ZDHHC16: variants seen among roughly 807,000 people sequenced by gnomAD.
ZDHHC16 encodes zDHHC palmitoyltransferase 16, also known as palmitoyltransferase ZDHHC16.
Under a neutral mutation model 54.4 loss-of-function variants are expected in ZDHHC16, and 33 were observed. The observed-to-expected ratio is 0.61, with a 90% CI of 0.46 to 0.81. The LOEUF (loss-of-function observed/expected upper bound fraction) is 0.81, where lower values mean the gene tolerates loss of function less well. ZDHHC16 is among the 30% of genes least tolerant of loss of function. The probability of loss-of-function intolerance (pLI) is 0.00; values close to 1 mark genes in which losing one functional copy is unlikely to be tolerated. For synonymous variants in ZDHHC16, 185 were observed against 182.1 expected (o/e 1.02, Z -0.13); for missense variants, 420 against 485.9 (o/e 0.86, Z 1.28).
rs1366462911 is a variant in ZDHHC16, at chr10:97,449,529, G to A, written c.-185-828G>A. Among the ~76,000 whole-genome samples the A allele has an allele frequency of 2.0e-5, 3 of 152,096 alleles. No individual in the cohort carries two copies. In the East Asian group the frequency reaches 5.8e-4, roughly 29 times the overall value. On this transcript the variant is annotated intron_variant, in intron 1 of 11. Transcript: ENST00000393760. ...ACAATAGGGGTGGAAGTTTGAGCGT[G>A]AGCTTTTAATTTTTTTTGAGGTGGA...
chr10:97,446,966 T>C (rs1021571904), intron 1 of ZDHHC16, among the ~76,000 whole-genome samples: 10 of 152,132 alleles, frequency 6.6e-5, no homozygotes, highest in East Asian at 3.9e-4. Flanking sequence ...GCCTCGGCCT[T>C]CCAAAGTGCA....
intron 5 of ZDHHC16, 143 bp from the exon 6 acceptor site, chr10:97,452,752 C>G (rs191922067): frequency 2.6e-6 from 3 of 1,151,376 alleles, no homozygotes; most frequent in African/African-American, 3.1e-5. Flanking sequence ...AACTGCAGAG[C>G]TGGGTTTGAA....
At chr10:97,454,006 ACTAAGTGG>A (rs1846918340) in intron 8 of ZDHHC16, among the ~76,000 whole-genome samples, 160 bp downstream of exon 8, 1 of 152,140 alleles carries the variant, frequency 6.6e-6, no homozygotes, top group African/African-American at 2.4e-5. Context: ...TGGTGGGTAG[ACTAAGTGG>A]CCTACAGGCA....
chr10:97,455,734 A>G lies in ZDHHC16; in HGVS notation c.899A>G (p.Glu300Gly). The G allele has an allele frequency of 6.2e-7, 1 of 1,614,226 alleles. No individual in the cohort carries two copies. The highest frequency in any genetic ancestry group is 8.5e-7 in the Non-Finnish European group (1 of 1,180,034). The change falls in exon 10 of 12, where the codon GAA becomes GGA. Residue 300 changes from glutamate (E) to glycine (G), a missense_variant. Coordinates refer to ENST00000393760, the MANE Select transcript of ZDHHC16 (RefSeq NM_198046.3). Reference sequence around the variant, plus strand: ...ATCAGTCGAGGTGAGACTAGCATCGAAAGGCACATCAACAAGAAGGAGAGA... The same window carrying G: ...ATCAGTCGAGGTGAGACTAGCATCGGAAGGCACATCAACAAGAAGGAGAGA... ...VLISRGETSI[E>G]RHINKKERRR...
chr10:97,453,863 C>A lies in ZDHHC16; in HGVS notation c.738+17C>A. 1 of 1,614,070 alleles carries A rather than the reference C, an allele frequency of 6.2e-7. No individual in the cohort carries two copies. The highest frequency in any genetic ancestry group is 8.5e-7 in the Non-Finnish European group (1 of 1,180,018). ...GCCAACCAGGTGGGCTGTCCCCACC[C>A]CACTGCCTCCTGCTGCTCAGGCCTG... On this transcript the variant is annotated intron_variant, in intron 8 of 11. Transcript: ENST00000393760.
At position 97,455,974 on chromosome 10, in the gene ZDHHC16, G is replaced by A. The variant is rs760224122; in HGVS notation, c.949G>A (p.Val317Ile). The change falls in exon 11 of 12, where the codon GTA becomes ATA. Residue 317 changes from valine (V) to isoleucine (I), a missense_variant and splice_region_variant. Physicochemically the swap from Val to Ile is conservative, Grantham distance 29. Transcript: ENST00000393760. ...ERRRLQAKGR[V>I]FRNPYNYGCL... ...AGAAACATGTTTTTCTTGGCTCCAG[G>A]TATTTAGGAATCCTTACAACTACGG... The A allele has an allele frequency of 4.3e-6, 7 of 1,614,028 alleles. No individual in the cohort carries two copies. The highest frequency in any genetic ancestry group is 5.9e-6 in the Non-Finnish European group (7 of 1,179,956).
intron 6 of ZDHHC16, 73 bp from the exon 7 acceptor site, chr10:97,453,457 G>A: frequency 6.4e-7 from 1 of 1,569,022 alleles, no homozygotes; most frequent in Non-Finnish European, 8.6e-7. Context: ...TCAGGAACCA[G>A]GGATGAACCT....
In ZDHHC16 at chr10:97,457,063, GAC is replaced by G. The variant is rs2133246607; in HGVS notation, c.*176_*177del. ...AGCCTTTTTACCACTGCAGAAGAAA[GAC>G]ACAATGTGGAGAAATCTTAGGACTG... On this transcript the variant is annotated 3_prime_UTR_variant, in exon 12 of 12. Transcript: ENST00000393760. 1 of 437,878 alleles carries G rather than the reference GAC, an allele frequency of 2.3e-6. No individual in the cohort carries two copies. The highest frequency in any genetic ancestry group is 3.5e-5 in the East Asian group (1 of 28,432). 27.1% of individuals were successfully genotyped at this position (437,878 alleles called of 1,614,324 possible).
chr10:97,455,554 T>C, intron 9 of ZDHHC16, 106 bp from the exon 10 acceptor site: 1 of 1,578,210 alleles, frequency 6.3e-7, no homozygotes, highest in South Asian at 1.1e-5. Context: ...GAGGAAGACT[T>C]AGGTAGAGAG....
At position 97,453,569 on chromosome 10, in the gene ZDHHC16, ACTT is replaced by A. The variant is rs1457779319; in HGVS notation, c.602_604del (p.Phe201del). On this transcript the variant is annotated inframe_deletion, in exon 7 of 12. Transcript: ENST00000393760. The stretch of plus-strand genomic sequence containing the variant: ...TGTGTGGGCCACTATAACCATCGGT[ACTT>A]CTTCTCTTTCTGCTTTTTCATGACT... 3 of 1,614,030 alleles carry A rather than the reference ACTT, an allele frequency of 1.9e-6. No homozygotes were observed. The highest frequency in any genetic ancestry group is 1.3e-5 in the African/African-American group (1 of 74,912).
Position 97,446,228 on chromosome 10 carries a change from C to G in ZDHHC16, c.-311C>G, listed in dbSNP as rs555288653. 1 of 611,062 alleles carries G rather than the reference C, an allele frequency of 1.6e-6. No homozygotes were observed. The highest frequency in any genetic ancestry group is 2.8e-5 in the East Asian group (1 of 35,356). The allele number at this position is 611,062 out of a possible 1,614,324, so 37.9% of individuals were successfully genotyped here. ...CGGGTCCGCTGCCTGGCGCTGCGGGCGGCGGGCCATGGTGGTTTGGATTGA... is the reference window on the plus strand; with the variant it reads ...CGGGTCCGCTGCCTGGCGCTGCGGGGGGCGGGCCATGGTGGTTTGGATTGA... On this transcript the variant is annotated 5_prime_UTR_variant, in exon 1 of 12. Transcript: ENST00000393760.
Position 97,454,792 on chromosome 10 carries a change from C to T in ZDHHC16, c.817C>T (p.Leu273=). ...CAAGAGTCTTGTCTACCTCTGGTTCCTGTGCAGGTATTTGTTTTTGATAGT... is the reference window on the plus strand; with the variant it reads ...CAAGAGTCTTGTCTACCTCTGGTTCTTGTGCAGGTATTTGTTTTTGATAGT... ...THKSLVYLWF[L]CSSVALALGA... is the part of the protein sequence containing the mutation. The change falls in exon 9 of 12, where the codon CTG becomes TTG. Residue 273 remains leucine, a synonymous_variant. Transcript: ENST00000393760. 6.2e-7 allele frequency: 1 copy of T among 1,614,122 alleles called. No homozygotes were observed. The highest frequency in any genetic ancestry group is 8.5e-7 in the Non-Finnish European group (1 of 1,180,008).
chr10:97,455,801 C>CT lies in ZDHHC16; in HGVS notation c.948+19dup, dbSNP rs766700998. The CT allele has an allele frequency of 6.2e-7, 1 of 1,611,060 alleles. No homozygotes were observed. Among genetic ancestry groups the CT allele is most frequent in the South Asian group, 1.1e-5 (1 of 91,004 alleles). On this transcript the variant is annotated intron_variant, in intron 10 of 11. Transcript: ENST00000393760. ...AGGGCAGAGTGAGTAGGGTTGAAGG[C>CT]TCGGGGTGGGTAGGTGGGTAACTGA...
At position 97,451,791 on chromosome 10, in the gene ZDHHC16, GGCGCTACGGCAAGGTCTGCCT is replaced by G; in HGVS notation, c.122_142del (p.Tyr41_Arg47del). On this transcript the variant is annotated inframe_deletion, in exon 3 of 12. Transcript: ENST00000393760. ...CTACTCCGGGGTCTAGTACAGCGCT[GGCGCTACGGCAAGGTCTGCCT>G]GCGCTCCCTGCTCTACAACTCCTTT... 1 of 1,614,208 alleles carries G rather than the reference GGCGCTACGGCAAGGTCTGCCT, an allele frequency of 6.2e-7. No homozygotes were observed. Among genetic ancestry groups the G allele is most frequent in the Non-Finnish European group, 8.5e-7 (1 of 1,180,046 alleles).
chr10:97,450,154 A>G lies in ZDHHC16; in HGVS notation c.-185-203A>G, dbSNP rs372415957. ...CCAAAGTGCTGGGATTACAGGCGTG[A>G]GCCACCGTGCCCGGCCTCCCCTTAA... On this transcript the variant is annotated intron_variant, in intron 1 of 11. Transcript: ENST00000393760. Among the ~76,000 whole-genome samples, 413 of 152,124 alleles carry G rather than the reference A, an allele frequency of 2.7e-3. 3 individuals carry two copies. Among genetic ancestry groups the G allele is most frequent in the African/African-American group, 9.3e-3 (384 of 41,458 alleles).
chr10:97,451,710 C>A lies in ZDHHC16; in HGVS notation c.35C>A (p.Ala12Asp). ...CAGCGGAGCCTGCTGCTGGGCCCGG[C>A]CCGCCTCTGCCTCCGCCTCCTTCTG... is the stretch of plus-strand genomic sequence containing the variant. ...RGQRSLLLGP[A>D]RLCLRLLLLL... is the part of the protein sequence containing the mutation. Residue 12 changes from alanine to aspartate, a missense_variant, in exon 3 of 12, where the codon GCC (alanine) becomes GAC (aspartate). Transcript: ENST00000393760. 1 of 1,612,426 alleles carries A rather than the reference C, an allele frequency of 6.2e-7. No homozygotes were observed. Among genetic ancestry groups the A allele is most frequent in the South Asian group, 1.1e-5 (1 of 90,966 alleles).
Position 97,455,954 on chromosome 10 carries a change from C to T in ZDHHC16, c.949-20C>T. ...CTGAAAAATTAGAAGTTCAAAGAAA[C>T]ATGTTTTTCTTGGCTCCAGGTATTT... On this transcript the variant is annotated intron_variant, in intron 10 of 11. Transcript: ENST00000393760. 1.9e-6 allele frequency: 3 copies of T among 1,613,654 alleles called. No homozygotes were observed. The highest frequency in any genetic ancestry group is 2.5e-6 in the Non-Finnish European group (3 of 1,179,806).
chr10:97,456,796 C>T lies in ZDHHC16; in HGVS notation c.1039C>T (p.Leu347Phe). ...DTGRHWLTRV[L>F]LPSSHLPHGN... ...TTCTAGGCACTGGCTTACTCGGGTGCTCTTACCTTCTAGTCACTTGCCCCA... is the reference window on the plus strand; with the variant it reads ...TTCTAGGCACTGGCTTACTCGGGTGTTCTTACCTTCTAGTCACTTGCCCCA... The change falls in exon 12 of 12, where the codon CTC (leucine) becomes TTC (phenylalanine). Residue 347 changes from leucine to phenylalanine, a missense_variant. By Grantham distance (22) the Leu-to-Phe change is conservative (BLOSUM62 0). Coordinates refer to ENST00000393760, the MANE Select transcript of ZDHHC16 (RefSeq NM_198046.3). The T allele has an allele frequency of 6.2e-7, 1 of 1,613,146 alleles. No individual in the cohort carries two copies. The highest frequency in any genetic ancestry group is 8.5e-7 in the Non-Finnish European group (1 of 1,179,308).
chr10:97,456,407 G>A (rs192112108), intron 11 of ZDHHC16: 2 of 317,378 alleles, frequency 6.3e-6, no homozygotes, highest in Non-Finnish European at 1.2e-5. Context: ...GAGGCCCTAA[G>A]ACAGTAACTG....
Sources: gnomAD v4.1 joint callset for allele counts (sites outside exome capture counted in the v4.1 genomes callset) on GRCh38, gnomAD v4.1.1 for gene constraint, MANE v1.5 for transcripts, NCBI Gene and HGNC (gene_info 2026-07-23, HGNC 2026-07-21) for gene names.